CDH3: variants seen among roughly 807,000 people sequenced by gnomAD.
CDH3 encodes cadherin 3.
A neutral mutation model predicts 82.0 loss-of-function variants in CDH3; 54 were observed. The ratio of observed to expected loss-of-function variants is 0.66; its 90% CI spans 0.53 to 0.83. The LOEUF (loss-of-function observed/expected upper bound fraction) is 0.83, where lower values mean the gene tolerates loss of function less well. CDH3 is among the 40% of genes least tolerant of loss of function. The probability of loss-of-function intolerance (pLI) is 0.00; values close to 1 mark genes in which losing one functional copy is unlikely to be tolerated. For synonymous variants in CDH3, 446 were observed against 437.9 expected, an observed-to-expected ratio of 1.02 and a Z score of -0.23; for missense variants, 1,054 against 1,084.6, an observed-to-expected ratio of 0.97 and a Z score of 0.40.
At chr16:68,652,306 TG>T (rs1960272353) in intron 2 of CDH3, among the ~76,000 whole-genome samples, 1 of 152,182 alleles carries the variant, frequency 6.6e-6, no homozygotes, top group Non-Finnish European at 1.5e-5. Context: ...AGCTTGTGCC[TG>T]GGGAGCAGGT....
chr16:68,696,374 C>T (rs771514975), intron 15 of CDH3: 11 of 298,550 alleles, frequency 3.7e-5, no homozygotes, highest in Middle Eastern at 1.2e-3. Flanking sequence ...GCCGACATCA[C>T]GCCACTGCAC....
chr16:68,711,951 G>A (rs1274301202), intron 1 of CDH3, among the ~76,000 whole-genome samples: 1 of 151,910 alleles, frequency 6.6e-6, no homozygotes, highest in Non-Finnish European at 1.5e-5. Flanking sequence ...TTTTGAGAGT[G>A]CACCCTCCAC....
intron 13 of CDH3, 117 bp from the exon 14 acceptor site, chr16:68,695,138 T>A: frequency 9.4e-7 from 1 of 1,065,176 alleles, no homozygotes; most frequent in South Asian, 1.3e-5. Flanking sequence ...CATTGTAGCA[T>A]GTTAAGCTCT....
At chr16:68,723,759 C>T (rs1432688481) in intron 2 of CDH3, among the ~76,000 whole-genome samples, 1 of 152,062 alleles carries the variant, frequency 6.6e-6, no homozygotes, top group East Asian at 1.9e-4. Flanking sequence ...CCTGTCTCTA[C>T]TGAAAATACA....
chr16:68,701,763 C>G (rs1452153638), downstream of CDH3, among the ~76,000 whole-genome samples: 1 of 151,912 alleles, frequency 6.6e-6, no homozygotes, highest in South Asian at 2.1e-4. Context: ...CGGTGACTCA[C>G]GCCTGCAATC....
chr16:68,659,516 A>C (rs1960501136), intron 2 of CDH3, among the ~76,000 whole-genome samples: 1 of 151,762 alleles, frequency 6.6e-6, no homozygotes, highest in South Asian at 2.1e-4. Context: ...TGGAGGTTGC[A>C]GTGAGCCAAG....
chr16:68,723,926 G>A (rs1233665609), intron 2 of CDH3, among the ~76,000 whole-genome samples: 4 of 152,016 alleles, frequency 2.6e-5, no homozygotes, highest in African/African-American at 9.7e-5. Context: ...AAAATTAGCC[G>A]GGCATAGTGG....
In CDH3 at chr16:68,683,754, C is replaced by T. The variant is rs116595187; in HGVS notation, c.1183-829C>T. Among the ~76,000 whole-genome samples the T allele has an allele frequency of 4.3e-3, 630 of 147,760 alleles. 8 individuals are homozygous for T. The highest frequency in any genetic ancestry group is 0.015 in the African/African-American group (585 of 39,972). On this transcript the variant is annotated intron_variant, in intron 9 of 15. Transcript: ENST00000264012. ...CAGCCTGGACAACATGGAGAAATCC[C>T]GTCTACGCTAAAAGTATAAAAAATT...
intron 2 of CDH3, among the ~76,000 whole-genome samples, chr16:68,672,418 A>G (rs1960911353): frequency 6.6e-6 from 1 of 152,114 alleles, no homozygotes; most frequent in African/African-American, 2.4e-5. Context: ...AAGTGCCCCC[A>G]TAGATTATTT....
At chr16:68,645,774 C>T in intron 2 of CDH3, 24 bp downstream of exon 2, 1 of 1,509,880 alleles carries the variant, frequency 6.6e-7, no homozygotes. Context: ...GGTGGAACCG[C>T]AGGGTAGGGG....
At chr16:68,725,418 C>G (rs1370784590) in intron 2 of CDH3, among the ~76,000 whole-genome samples, 1 of 151,976 alleles carries the variant, frequency 6.6e-6, no homozygotes, top group Non-Finnish European at 1.5e-5. Context: ...ACTGCAAGCT[C>G]TGCCTCCAGG....
chr16:68,682,469 C>A lies in CDH3; in HGVS notation c.1164C>A (p.Gly388=). 1 of 1,614,112 alleles carries A rather than the reference C, an allele frequency of 6.2e-7. No individual in the cohort carries two copies. Among genetic ancestry groups the A allele is most frequent in the Non-Finnish European group, 8.5e-7 (1 of 1,180,012 alleles). The change falls in exon 9 of 16, where the codon GGC becomes GGA. Residue 388 remains glycine (G), a synonymous_variant. Transcript: ENST00000264012. ...CCACCCACCCTGAGAGCAACCAGGG[C>A]ATCCTGACAACCAGGAAGGTGAGTC... is the stretch of plus-strand genomic sequence containing the variant. ...TITTHPESNQ[G]ILTTRKGLDF... is the part of the protein sequence containing the mutation.
intron 1 of CDH3, among the ~76,000 whole-genome samples, chr16:68,709,031 A>G (rs1319367807): frequency 6.6e-6 from 1 of 151,842 alleles, no homozygotes; most frequent in African/African-American, 2.4e-5. Context: ...TGCCCACCTC[A>G]GCCTCCCAAA....
intron 2 of CDH3, among the ~76,000 whole-genome samples, chr16:68,653,465 G>A (rs1231927398): frequency 1.3e-5 from 2 of 152,052 alleles, no homozygotes; most frequent in Admixed American, 6.5e-5. Flanking sequence ...TCAAACTCCC[G>A]ACCTCAGGTG....
At chr16:68,680,414 C>T (rs958467544) in intron 7 of CDH3, among the ~76,000 whole-genome samples, 1 of 152,334 alleles carries the variant, frequency 6.6e-6, no homozygotes, top group East Asian at 1.9e-4. Context: ...CACAGTGGCT[C>T]ACGCATGTAA....
intron 15 of CDH3, 113 bp downstream of exon 15, chr16:68,696,036 A>C: frequency 9.1e-7 from 1 of 1,102,052 alleles, no homozygotes; most frequent in Non-Finnish European, 1.3e-6. Context: ...TTCTGACTCC[A>C]CCACCAACCA....
chr16:68,650,719 C>T (rs966690332), intron 2 of CDH3, among the ~76,000 whole-genome samples: 4 of 152,170 alleles, frequency 2.6e-5, no homozygotes, highest in African/African-American at 4.8e-5. Flanking sequence ...GTTCCCTCCA[C>T]GCCCAGGTCT....
intron 2 of CDH3, among the ~76,000 whole-genome samples, chr16:68,660,346 CTT>C (rs1355920727): frequency 1.3e-5 from 2 of 152,202 alleles, no homozygotes; most frequent in Non-Finnish European, 2.9e-5. Context: ...AAATCAAAAA[CTT>C]TTAAATTGCA....
At chr16:68,648,651 A>G (rs891151656) in intron 2 of CDH3, among the ~76,000 whole-genome samples, 1 of 151,982 alleles carries the variant, frequency 6.6e-6, no homozygotes, top group African/African-American at 2.4e-5. Flanking sequence ...GGGTCTCACT[A>G]TGTTGCCCAG....
Sources: allele counts gnomAD v4.1 joint callset (sites outside exome capture counted in the v4.1 genomes callset), GRCh38; gene constraint gnomAD v4.1.1; transcripts MANE v1.5; gene names NCBI Gene and HGNC (gene_info 2026-07-23, HGNC 2026-07-21).